The following CECR2 variants were observed in gnomAD, a reference collection of about 807,000 sequenced individuals.
The protein encoded by CECR2 is CECR2 histone acetyl-lysine reader.
Under a neutral mutation model 154.5 loss-of-function variants are expected in CECR2, and 30 were observed. The ratio of observed to expected loss-of-function variants is 0.19; its 90% CI spans 0.15 to 0.26. CECR2 has a LOEUF of 0.26. CECR2 is among the 10% of genes least tolerant of loss of function. The pLI is 1.00. For synonymous variants in CECR2, 725 were observed against 683.7 expected (o/e 1.06, Z -0.94); for missense variants, 1,743 against 1,829.3 (o/e 0.95, Z 0.86).
At chr22:17,490,562 G>A (rs143482771) in intron 2 of CECR2, among the ~76,000 whole-genome samples, 21,254 of 151,962 alleles carry the variant, frequency 0.14, 1,827 homozygotes, top group Non-Finnish European at 0.19. Flanking sequence ...AGCCTCCCGA[G>A]TAGCTGGGAT....
chr22:17,429,771 G>T (rs772039392), intron 1 of CECR2, among the ~76,000 whole-genome samples: 3 of 152,140 alleles, frequency 2.0e-5, no homozygotes, highest in Non-Finnish European at 4.4e-5. Context: ...GGGTAGGTTA[G>T]TGAATAACAG....
intron 16 of CECR2, among the ~76,000 whole-genome samples, chr22:17,546,304 G>A (rs1026532275): frequency 4.6e-5 from 7 of 151,814 alleles, no homozygotes; most frequent in Non-Finnish European, 8.8e-5. Flanking sequence ...TGGCTAACAC[G>A]GTGAAACCCC....
upstream of CECR2, among the ~76,000 whole-genome samples, chr22:17,367,566 T>C (rs2063008838): frequency 6.6e-6 from 1 of 152,078 alleles, no homozygotes; most frequent in Admixed American, 6.5e-5. Flanking sequence ...TATGTATTTT[T>C]AGTAGAGACG....
Position 17,369,712 on chromosome 22 carries a change from C to T in CECR2, c.-72C>T, listed in dbSNP as rs1395477580. Reference sequence around the variant, plus strand: ...GACCGCGCGGAGGCTGCGGCGCTGCCGCGGCGGGAGTCCCAGGTCGGCGGG... The same window carrying T: ...GACCGCGCGGAGGCTGCGGCGCTGCTGCGGCGGGAGTCCCAGGTCGGCGGG... On this transcript the variant is annotated 5_prime_UTR_variant, in exon 1 of 19. Transcript: ENST00000262608. 1 of 148,958 alleles carries T rather than the reference C, an allele frequency of 6.7e-6. No homozygotes were observed. Among genetic ancestry groups the T allele is most frequent in the Admixed American group, 6.7e-5 (1 of 15,010 alleles). The allele number at this position is 148,958 out of a possible 1,614,324, so 9.2% of individuals were successfully genotyped here.
chr22:17,395,639 C>T (rs1482435949), intron 1 of CECR2, among the ~76,000 whole-genome samples: 1 of 152,114 alleles, frequency 6.6e-6, no homozygotes, highest in Non-Finnish European at 1.5e-5. Context: ...AGCCACCGTG[C>T]CCAGCTGACA....
At position 17,463,689 on chromosome 22, in the gene CECR2, C is replaced by T. The variant is rs117862327; in HGVS notation, c.127-13899C>T. ...TGTTAAGTTTGCGCTGCCTGTTTGA[C>T]ATTCATTGCTGACGTCGGGGACGGG... On this transcript the variant is annotated intron_variant, in intron 1 of 18. Transcript: ENST00000262608. 8.0e-3 allele frequency among the ~76,000 whole-genome samples: 1,225 copies of T among 152,176 alleles called. 72 individuals are homozygous for T. The East Asian group carries it at 0.16, about 19-fold the overall frequency.
At chr22:17,477,763 G>A in intron 2 of CECR2, 81 bp downstream of exon 2, 1 of 991,052 alleles carries the variant, frequency 1.0e-6, no homozygotes, top group Non-Finnish European at 1.6e-6. Context: ...TGTCTCCTGT[G>A]ACAAACCAGA....
intron 1 of CECR2, among the ~76,000 whole-genome samples, chr22:17,395,352 C>CTT (rs145697924): frequency 6.7e-6 from 1 of 148,908 alleles, no homozygotes; most frequent in African/African-American, 2.5e-5. Context: ...CATATTCTCT[C>CTT]TTTTTTTTTT....
At chr22:17,423,787 A>C (rs2054292057) in intron 1 of CECR2, among the ~76,000 whole-genome samples, 1 of 152,056 alleles carries the variant, frequency 6.6e-6, no homozygotes, top group Admixed American at 6.6e-5. Context: ...GGCTGTCTCC[A>C]GTTTGGGGCA....
chr22:17,430,946 A>G (rs1364716726), intron 1 of CECR2, among the ~76,000 whole-genome samples: 1 of 152,272 alleles, frequency 6.6e-6, no homozygotes, highest in African/African-American at 2.4e-5. Context: ...GTTTTATTTG[A>G]TCACAACAGT....
chr22:17,460,548 A>G lies in CECR2; in HGVS notation c.127-17040A>G, dbSNP rs1418626553. ...TTTAGAGGGATTGAAGGTTATTCAC[A>G]TGTGATTCCTGTACTCCCCAGTGAC... On this transcript the variant is annotated intron_variant, in intron 1 of 18. Coordinates refer to ENST00000262608, the MANE Select transcript of CECR2 (RefSeq NM_001290047.2). Among the ~76,000 whole-genome samples the G allele has an allele frequency of 3.3e-5, 5 of 152,142 alleles. No homozygotes were observed. The East Asian group carries it at 7.7e-4, about 23-fold the overall frequency.
chr22:17,431,001 G>A (rs2054413842), intron 1 of CECR2, among the ~76,000 whole-genome samples: 1 of 152,126 alleles, frequency 6.6e-6, no homozygotes. Context: ...TGTGCATGCT[G>A]CATGGTCGAG....
intron 2 of CECR2, among the ~76,000 whole-genome samples, chr22:17,495,274 A>G (rs1489375433): frequency 6.6e-6 from 1 of 152,176 alleles, no homozygotes; most frequent in Non-Finnish European, 1.5e-5. Context: ...TTTAGGTACT[A>G]ATCAAAATAC....
At chr22:17,541,706 T>A in intron 14 of CECR2, 133 bp from the exon 15 acceptor site, 1 of 1,091,044 alleles carries the variant, frequency 9.2e-7, no homozygotes, top group South Asian at 1.7e-5. Flanking sequence ...GTTCACAGTC[T>A]CCCTGTCTCC....
upstream of CECR2, among the ~76,000 whole-genome samples, chr22:17,368,965 G>T (rs554644495): frequency 6.6e-6 from 1 of 152,242 alleles, no homozygotes; most frequent in South Asian, 2.1e-4. Context: ...GAATAAAAGC[G>T]TTAAGAAACA....
In CECR2 at chr22:17,491,470, C is replaced by T. The variant is rs57392985; in HGVS notation, c.222-5933C>T. On this transcript the variant is annotated intron_variant, in intron 2 of 18. Coordinates refer to ENST00000262608, the MANE Select transcript of CECR2 (RefSeq NM_001290047.2). ...GGTTGAGAAACTTCTCTGCTGCCTT[C>T]TGCTTTTTGTTCCTTTGTTGGTCCT... 6.2e-3 allele frequency among the ~76,000 whole-genome samples: 938 copies of T among 151,238 alleles called. 9 individuals are homozygous for T. The highest frequency in any genetic ancestry group is 0.022 in the African/African-American group (895 of 41,200).
intron 1 of CECR2, among the ~76,000 whole-genome samples, chr22:17,412,086 G>A (rs943506207): frequency 2.0e-5 from 3 of 152,114 alleles, no homozygotes; most frequent in Non-Finnish European, 4.4e-5. Flanking sequence ...TCAAAGTCAC[G>A]TACTGGTAAA....
Position 17,537,090 on chromosome 22 carries a change from G to T in CECR2, c.1109-13G>T. 1 of 1,613,466 alleles carries T rather than the reference G, an allele frequency of 6.2e-7. No individual in the cohort carries two copies. Among genetic ancestry groups the T allele is most frequent in the Non-Finnish European group, 8.5e-7 (1 of 1,179,670 alleles). On this transcript the variant is annotated splice_polypyrimidine_tract_variant and intron_variant, in intron 9 of 18. Transcript: ENST00000262608. Reference sequence around the variant, plus strand: ...AGTGTGCTTAGCTCACTCAGCCTTTGTGTTCATTGTAGATCGAGCGAAGAG... The same window carrying T: ...AGTGTGCTTAGCTCACTCAGCCTTTTTGTTCATTGTAGATCGAGCGAAGAG...
chr22:17,432,111 G>T (rs1214558461), intron 1 of CECR2, among the ~76,000 whole-genome samples: 1 of 136,746 alleles, frequency 7.3e-6, no homozygotes, highest in Non-Finnish European at 1.6e-5. Flanking sequence ...CTTTGTGCCT[G>T]TATGGATTTG....
Sources: gnomAD v4.1 joint callset for allele counts (sites outside exome capture counted in the v4.1 genomes callset) on GRCh38, gnomAD v4.1.1 for gene constraint, MANE v1.5 for transcripts, NCBI Gene and HGNC (gene_info 2026-07-23, HGNC 2026-07-21) for gene names.